The following DLGAP2 variants were observed in gnomAD, a reference collection of about 807,000 sequenced individuals.
The protein encoded by DLGAP2 is DLG associated protein 2.
Under a neutral mutation model 100.3 loss-of-function variants are expected in DLGAP2, and 26 were observed. The ratio of observed to expected loss-of-function variants is 0.26; its 90% CI spans 0.19 to 0.36. DLGAP2 has a LOEUF of 0.36. Among genes scored for constraint, DLGAP2 ranks in the 10% least tolerant of loss-of-function variants. DLGAP2 has a pLI of 1.00. For synonymous variants in DLGAP2, 886 were observed against 630.1 expected, an observed-to-expected ratio of 1.41 and a Z score of -6.08; for missense variants, 1,858 against 1,453.2, an observed-to-expected ratio of 1.28 and a Z score of -4.53.
chr8:1,128,392 A>G (rs1015988096), intron 2 of DLGAP2, among the ~76,000 whole-genome samples: 7 of 152,194 alleles, frequency 4.6e-5, no homozygotes, highest in African/African-American at 1.7e-4. Flanking sequence ...GCCTGCAGGG[A>G]ACAGTGGTCC....
intron 2 of DLGAP2, among the ~76,000 whole-genome samples, chr8:959,034 G>A (rs955594887): frequency 9.8e-5 from 15 of 152,328 alleles, no homozygotes; most frequent in South Asian, 6.2e-4. Flanking sequence ...CAGTGAGAAG[G>A]GCATGCTATG....
intron 3 of DLGAP2, among the ~76,000 whole-genome samples, chr8:1,305,259 C>T (rs1019784900): frequency 1.3e-5 from 2 of 152,186 alleles, no homozygotes; most frequent in Non-Finnish European, 2.9e-5. Flanking sequence ...AAATGAGAGA[C>T]AGCATATGTG....
intron 4 of DLGAP2, among the ~76,000 whole-genome samples, chr8:1,507,184 G>A (rs761706739): frequency 1.3e-5 from 2 of 152,228 alleles, no homozygotes; most frequent in Admixed American, 6.5e-5. Flanking sequence ...AGGGTCAATG[G>A]GACCGGGCGC....
At chr8:1,668,826 G>T (rs541240903) in intron 9 of DLGAP2, 148 bp downstream of exon 9, 4 of 809,568 alleles carry the variant, frequency 4.9e-6, no homozygotes, top group Non-Finnish European at 7.5e-6. Flanking sequence ...AGGGCTGTGC[G>T]TTCGCCTTGC....
chr8:1,589,307 G>A (rs1796220570), intron 6 of DLGAP2, among the ~76,000 whole-genome samples: 1 of 152,218 alleles, frequency 6.6e-6, no homozygotes, highest in African/African-American at 2.4e-5. Context: ...TTGTATTGCA[G>A]TTACCATAGT....
intron 4 of DLGAP2, among the ~76,000 whole-genome samples, chr8:1,509,651 C>G (rs1452664254): frequency 6.6e-6 from 1 of 152,016 alleles, no homozygotes; most frequent in East Asian, 1.9e-4. Flanking sequence ...TACACTGGAA[C>G]TTGAGCAATT....
intron 6 of DLGAP2, among the ~76,000 whole-genome samples, chr8:1,595,258 C>T (rs936619532): frequency 3.3e-5 from 5 of 151,936 alleles, no homozygotes; most frequent in Admixed American, 6.6e-5. Context: ...CCAGGTTTTA[C>T]GGGCTTTTTT....
At chr8:804,662 C>A (rs998600430) in intron 1 of DLGAP2, among the ~76,000 whole-genome samples, 3 of 152,212 alleles carry the variant, frequency 2.0e-5, no homozygotes, top group Non-Finnish European at 4.4e-5. Flanking sequence ...TCTCTTTTCC[C>A]CCAAGATATT....
chr8:1,299,128 A>C (rs756361677), intron 3 of DLGAP2, among the ~76,000 whole-genome samples: 2 of 152,240 alleles, frequency 1.3e-5, no homozygotes, highest in Non-Finnish European at 2.9e-5. Context: ...GGTACAAAGA[A>C]GCAGGCAATA....
intron 1 of DLGAP2, among the ~76,000 whole-genome samples, chr8:846,751 C>T (rs779525855): frequency 1.6e-4 from 25 of 152,172 alleles, no homozygotes; most frequent in Non-Finnish European, 3.1e-4. Context: ...TGTTTTCTTT[C>T]CTCCACATCC....
intron 2 of DLGAP2, among the ~76,000 whole-genome samples, chr8:1,222,600 G>C (rs1255502660): frequency 6.6e-6 from 1 of 151,992 alleles, no homozygotes; most frequent in Admixed American, 6.6e-5. Flanking sequence ...CTACAGGTAG[G>C]TGCATGCTGG....
At chr8:1,252,728 G>A (rs1379249520) in intron 2 of DLGAP2, among the ~76,000 whole-genome samples, 2 of 152,248 alleles carry the variant, frequency 1.3e-5, no homozygotes, top group Non-Finnish European at 2.9e-5. Context: ...TGGCGGCCAG[G>A]CAGGCCTGCT....
intron 3 of DLGAP2, among the ~76,000 whole-genome samples, chr8:1,352,881 C>T (rs1250169707): frequency 6.6e-6 from 1 of 152,176 alleles, no homozygotes; most frequent in Non-Finnish European, 1.5e-5. Flanking sequence ...GAGAGAAGGG[C>T]TGAGAGAGCC....
chr8:1,633,744 G>A (rs746648122), intron 8 of DLGAP2, among the ~76,000 whole-genome samples: 5 of 152,188 alleles, frequency 3.3e-5, no homozygotes, highest in Non-Finnish European at 7.3e-5. Flanking sequence ...AGAGGTTAAG[G>A]AAAGGAGCTA....
intron 2 of DLGAP2, among the ~76,000 whole-genome samples, chr8:930,291 C>T (rs1419016925): frequency 6.6e-6 from 1 of 152,178 alleles, no homozygotes; most frequent in Middle Eastern, 3.2e-3. Context: ...GTGCACGATC[C>T]ACCTGCTCTG....
chr8:905,160 A>G (rs1243781286), intron 1 of DLGAP2, among the ~76,000 whole-genome samples: 1 of 152,052 alleles, frequency 6.6e-6, no homozygotes, highest in African/African-American at 2.4e-5. Context: ...TTGGATCCTC[A>G]AGTATAAAGA....
chr8:769,084 C>T (rs1250488113), intron 1 of DLGAP2, among the ~76,000 whole-genome samples: 2 of 152,122 alleles, frequency 1.3e-5, no homozygotes, highest in East Asian at 3.9e-4. Flanking sequence ...CCCGCACAAG[C>T]AGGTGGTCTG....
chr8:1,193,123 C>T (rs566448016), intron 2 of DLGAP2, among the ~76,000 whole-genome samples: 4 of 152,260 alleles, frequency 2.6e-5, no homozygotes, highest in African/African-American at 4.8e-5. Context: ...AATAGTGCCG[C>T]TATAAACATA....
rs115471608 is a variant in DLGAP2 at position 875,389 on chromosome 8, C to T, written c.19-32523C>T. On this transcript the variant is annotated intron_variant, in intron 1 of 14. Coordinates refer to ENST00000637795, the MANE Select transcript of DLGAP2 (RefSeq NM_001346810.2). ...ATCCCCACGTGTCATGAGAGGGACC[C>T]GGTGAGAGGTAATTGAATCATGGCG... Among the ~76,000 whole-genome samples, 418 of 152,258 alleles carry T rather than the reference C, an allele frequency of 2.7e-3. 2 individuals are homozygous for T. Among genetic ancestry groups the T allele is most frequent in the African/African-American group, 9.6e-3 (397 of 41,528 alleles).
Sources: allele counts gnomAD v4.1 joint callset (sites outside exome capture counted in the v4.1 genomes callset), GRCh38; gene constraint gnomAD v4.1.1; transcripts MANE v1.5; gene names NCBI Gene and HGNC (gene_info 2026-07-23, HGNC 2026-07-21).